The following SPART variants were observed in gnomAD, a reference collection of about 807,000 sequenced individuals.
SPART encodes spastic paraplegia 20 (Troyer syndrome).
SPART carries 35 observed loss-of-function variants against 58.7 expected under a neutral mutation model. The ratio of observed to expected loss-of-function variants is 0.60; its 90% CI spans 0.46 to 0.79. The LOEUF (loss-of-function observed/expected upper bound fraction) is 0.79, where lower values mean the gene tolerates loss of function less well. Among genes scored for constraint, SPART ranks in the 30% least tolerant of loss-of-function variants. The pLI is 0.00. For missense variants in SPART, 730 were observed against 786.1 expected, an observed-to-expected ratio of 0.93 and a Z score of 0.85; for synonymous variants, 284 against 280.7, an observed-to-expected ratio of 1.01 and a Z score of -0.12.
At chr13:36,320,839 C>T (rs1882301496) in intron 5 of SPART, among the ~76,000 whole-genome samples, 1 of 152,220 alleles carries the variant, frequency 6.6e-6, no homozygotes. Context: ...CACCTCAATA[C>T]AGTCTGACAA....
chr13:36,345,435 T>A (rs990981764), intron 1 of SPART: 1 of 152,074 alleles, frequency 6.6e-6, no homozygotes, highest in East Asian at 1.9e-4. Flanking sequence ...CAAAGAAAAA[T>A]TGCTACATTC....
intron 5 of SPART, among the ~76,000 whole-genome samples, chr13:36,315,524 A>G (rs1334056897): frequency 6.6e-6 from 1 of 152,190 alleles, no homozygotes; most frequent in Admixed American, 6.5e-5. Context: ...AAATGTTAAC[A>G]ATGAAAAGTG....
intron 1 of SPART, among the ~76,000 whole-genome samples, chr13:36,357,677 A>G (rs1415005185): frequency 2.6e-5 from 4 of 152,236 alleles, no homozygotes; most frequent in Admixed American, 2.6e-4. Flanking sequence ...TTCTCTGTAT[A>G]CTTATAAAAG....
chr13:36,348,616 G>T (rs1268262213), upstream of SPART, among the ~76,000 whole-genome samples: 1 of 152,036 alleles, frequency 6.6e-6, no homozygotes, highest in Admixed American at 6.6e-5. Flanking sequence ...TTATCAAGAA[G>T]AATAAAATAC....
At chr13:36,333,111 A>G (rs1436654213) in intron 2 of SPART, among the ~76,000 whole-genome samples, 2 of 152,040 alleles carry the variant, frequency 1.3e-5, no homozygotes, top group Non-Finnish European at 2.9e-5. Context: ...TTGTCTTTAA[A>G]AAAACCAACA....
At chr13:36,344,845 G>C (rs1884919081) in intron 1 of SPART, among the ~76,000 whole-genome samples, 1 of 152,202 alleles carries the variant, frequency 6.6e-6, no homozygotes, top group Admixed American at 6.5e-5. Flanking sequence ...CCAGTGTACA[G>C]TCTTCAACAA....
Position 36,326,638 on chromosome 13 carries a change from G to A in SPART, c.1225C>T (p.Pro409Ser), listed in dbSNP as rs750964344. Residue 409 changes from proline (P) to serine (S), a missense_variant, in exon 5 of 9, where the codon CCA becomes TCA. Pro to Ser is a moderately conservative substitution (Grantham distance 74). Coordinates refer to ENST00000438666, the MANE Select transcript of SPART (RefSeq NM_015087.5). ...GGTAATTCTTTTGGCTTTTCTTCTG[G>A]AACTGGCTCACATGGTACAATGTGA... ...LSHIVPCEPV[P>S]EEKPKELPEW... 6.2e-7 allele frequency: 1 copy of A among 1,613,254 alleles called. No homozygotes were observed. The highest frequency in any genetic ancestry group is 8.5e-7 in the Non-Finnish European group (1 of 1,179,808).
chr13:36,342,267 G>A (rs1356269007), intron 1 of SPART, among the ~76,000 whole-genome samples: 1 of 152,170 alleles, frequency 6.6e-6, no homozygotes, highest in African/African-American at 2.4e-5. Context: ...ACTTTGCAGA[G>A]AAGAAAATTG....
chr13:36,305,990 C>T (rs1445158243), intron 8 of SPART, among the ~76,000 whole-genome samples: 1 of 152,290 alleles, frequency 6.6e-6, no homozygotes, highest in African/African-American at 2.4e-5. Context: ...GTGATCCCAC[C>T]GGCTTGTTTG....
chr13:36,367,609 A>T (rs912217342), intron 1 of SPART, among the ~76,000 whole-genome samples: 14 of 146,072 alleles, frequency 9.6e-5, no homozygotes, highest in African/African-American at 1.9e-4. Flanking sequence ...AAAACCATTT[A>T]AAAAAAAAAC....
intron 8 of SPART, among the ~76,000 whole-genome samples, chr13:36,311,173 G>A (rs1028396368): frequency 2.6e-5 from 4 of 152,288 alleles, no homozygotes; most frequent in Admixed American, 6.5e-5. Flanking sequence ...GGGTGTGCCA[G>A]GATAAAGAAG....
chr13:36,369,331 A>T (rs1200609647), intron 1 of SPART, among the ~76,000 whole-genome samples: 2 of 152,218 alleles, frequency 1.3e-5, no homozygotes, highest in African/African-American at 4.8e-5. Flanking sequence ...TACACTCTTC[A>T]TAATCGTATA....
chr13:36,367,767 A>T (rs1299348519), intron 1 of SPART, among the ~76,000 whole-genome samples: 1 of 152,148 alleles, frequency 6.6e-6, no homozygotes, highest in Admixed American at 6.5e-5. Flanking sequence ...TTCACAGGTG[A>T]TATCTCCTCA....
intron 1 of SPART, among the ~76,000 whole-genome samples, chr13:36,355,050 A>G (rs1297569560): frequency 1.3e-5 from 2 of 152,230 alleles, no homozygotes; most frequent in Non-Finnish European, 2.9e-5. Flanking sequence ...TCATTCAAAC[A>G]ATATTTATTA....
chr13:36,312,435 A>C lies in SPART; in HGVS notation c.1526T>G (p.Leu509Arg). The C allele has an allele frequency of 1.2e-6, 2 of 1,614,162 alleles. No individual in the cohort carries two copies. The highest frequency in any genetic ancestry group is 1.7e-6 in the Non-Finnish European group (2 of 1,180,020). Reference protein sequence around the residue: ...CTVANCVGKELAPHVKKHGSK... With the variant: ...CTVANCVGKERAPHVKKHGSK... ...TCCATGCTTCTTGACATGTGGAGCT[A>C]GTTCTTTTCCAACGCAATTTGCTAC... Residue 509 changes from leucine (L) to arginine (R), a missense_variant, in exon 7 of 9, where the codon CTA becomes CGA. Transcript: ENST00000438666.
At chr13:36,351,680 A>G (rs1885415989) in intron 1 of SPART, among the ~76,000 whole-genome samples, 1 of 152,212 alleles carries the variant, frequency 6.6e-6, no homozygotes, top group African/African-American at 2.4e-5. Flanking sequence ...TACCCATTAT[A>G]CTTACAAATC....
rs758273190 is a variant in SPART at position 36,314,223 on chromosome 13, T to G, written c.1483+4A>C. On this transcript the variant is annotated splice_donor_region_variant and intron_variant, in intron 6 of 8. Transcript: ENST00000438666. ...AAAAGTAAAGTTATCTAGAATTACT[T>G]TACCCAGGAACTGACTGACTTTTGC... The G allele has an allele frequency of 1.1e-5, 18 of 1,613,824 alleles. No homozygotes were observed. In the South Asian group the frequency reaches 1.9e-4, roughly 17 times the overall value.
intron 1 of SPART, among the ~76,000 whole-genome samples, chr13:36,363,915 G>A (rs1566151122): frequency 6.6e-6 from 1 of 152,072 alleles, no homozygotes; most frequent in Non-Finnish European, 1.5e-5. Flanking sequence ...ATGAAAATCA[G>A]GAAACTAGCA....
At chr13:36,341,316 A>G (rs1232686955) in intron 1 of SPART, among the ~76,000 whole-genome samples, 3 of 152,248 alleles carry the variant, frequency 2.0e-5, no homozygotes, top group African/African-American at 7.2e-5. Flanking sequence ...TAATAACATT[A>G]AAAAGGTAAA....
Sources: gnomAD v4.1 joint callset for allele counts (sites outside exome capture counted in the v4.1 genomes callset) on GRCh38, gnomAD v4.1.1 for gene constraint, MANE v1.5 for transcripts, NCBI Gene and HGNC (gene_info 2026-07-23, HGNC 2026-07-21) for gene names.